The following REPS2 variants were observed in gnomAD, a reference collection of about 807,000 sequenced individuals.
REPS2 encodes the protein RALBP1 associated Eps domain containing 2, also known as ralBP1-associated Eps domain-containing protein 2.
A neutral mutation model predicts 53.6 loss-of-function variants in REPS2; 23 were observed. That is an observed-to-expected ratio of 0.43 (90% CI 0.31 to 0.61). REPS2 has a LOEUF of 0.61. Among genes scored for constraint, REPS2 ranks in the 20% least tolerant of loss-of-function variants. The probability of loss-of-function intolerance (pLI) is 0.11; values close to 1 mark genes in which losing one functional copy is unlikely to be tolerated. For synonymous variants in REPS2, 238 were observed against 218.6 expected, an observed-to-expected ratio of 1.09 and a Z score of -0.78; for missense variants, 446 against 534.9, an observed-to-expected ratio of 0.83 and a Z score of 1.64.
intron 2 of REPS2, among the ~76,000 whole-genome samples, chrX:17,008,287 C>T (rs2061386591): frequency 8.9e-6 from 1 of 112,229 alleles, no homozygotes. Flanking sequence ...ATTTTATCTT[C>T]TGGAAAAGTT....
intron 13 of REPS2, among the ~76,000 whole-genome samples, chrX:17,092,018 C>T (rs1317778521): frequency 9.0e-6 from 1 of 111,241 alleles, no homozygotes; most frequent in Non-Finnish European, 1.9e-5. Context: ...CTTTGGTATT[C>T]GAATGCTTTT....
chrX:17,194,228 C>T, the REPS2 span, among the ~76,000 whole-genome samples: 3 of 111,261 alleles, frequency 2.7e-5, no homozygotes, highest in South Asian at 3.8e-4. Flanking sequence ...AGGATTTTTT[C>T]GGGGGTAAAG....
chrX:17,013,366 A>T (rs1053161564), intron 2 of REPS2, among the ~76,000 whole-genome samples: 3 of 112,118 alleles, frequency 2.7e-5, no homozygotes, highest in Non-Finnish European at 5.6e-5. Context: ...AGGATTTTGC[A>T]GCATTGAGTC....
At chrX:17,010,004 G>A (rs2061409112) in intron 2 of REPS2, among the ~76,000 whole-genome samples, 1 of 110,793 alleles carries the variant, frequency 9.0e-6, no homozygotes, top group Non-Finnish European at 1.9e-5. Context: ...TGCAGTCTTG[G>A]GTTCCTAGGG....
In REPS2 at chrX:17,151,516, G is replaced by A. The variant is rs2063568997; in HGVS notation, c.*4035G>A. On this transcript the variant is annotated 3_prime_UTR_variant, in exon 18 of 18. Coordinates refer to ENST00000357277, the MANE Select transcript of REPS2 (RefSeq NM_004726.3). ...AGTAGTTGGAAACATCTCAATTACA[G>A]TGTAACACCTTAGAGCTAAAAACAT... The A allele has an allele frequency of 8.9e-6, 1 of 112,912 alleles. No homozygotes were observed. Among genetic ancestry groups the A allele is most frequent in the Admixed American group, 9.3e-5 (1 of 10,699 alleles). 9.3% of individuals were successfully genotyped at this position (112,912 alleles called of 1,213,427 possible). A position where few individuals can be genotyped will look rare whatever the true frequency, so the allele number is the denominator to read the frequency against.
chrX:17,118,120 C>A (rs887656771), intron 14 of REPS2, among the ~76,000 whole-genome samples: 1 of 103,540 alleles, frequency 9.7e-6, no homozygotes, highest in Non-Finnish European at 2.0e-5. Context: ...CCACTACGCC[C>A]GGCTAATTTT....
intron 4 of REPS2, among the ~76,000 whole-genome samples, chrX:17,026,046 G>T (rs957988080): frequency 9.0e-6 from 1 of 111,492 alleles, no homozygotes; most frequent in African/African-American, 3.3e-5. Flanking sequence ...ATAAAACTGC[G>T]CGCTAGGCTG....
At chrX:17,011,376 C>A (rs17273629) in intron 2 of REPS2, among the ~76,000 whole-genome samples, 10,523 of 110,571 alleles carry the variant, frequency 0.095, 468 homozygotes, top group East Asian at 0.2. Context: ...AACATTTGCC[C>A]TGGGACCTGC....
At chrX:17,192,525 GAGA>G in the REPS2 span, among the ~76,000 whole-genome samples, 283 of 111,895 alleles carry the variant, frequency 2.5e-3, 1 homozygote, top group African/African-American at 8.7e-3. Flanking sequence ...ATCCACAGAT[GAGA>G]AGGAGGACAG....
intron 1 of REPS2, among the ~76,000 whole-genome samples, chrX:16,983,923 C>T (rs751681873): frequency 8.9e-6 from 1 of 112,826 alleles, no homozygotes; most frequent in South Asian, 3.7e-4. Context: ...CTCCAGAACC[C>T]TCTTCTTTCC....
chrX:16,989,753 G>A (rs964973873), intron 1 of REPS2, among the ~76,000 whole-genome samples: 9 of 112,165 alleles, frequency 8.0e-5, no homozygotes, highest in African/African-American at 2.9e-4. Flanking sequence ...ATACCTATAA[G>A]AATGGCTAAA....
intron 1 of REPS2, among the ~76,000 whole-genome samples, chrX:16,949,918 T>C (rs6654009): frequency 3.0e-4 from 33 of 111,345 alleles, no homozygotes; most frequent in African/African-American, 9.8e-4. Flanking sequence ...TAGGGCTCAC[T>C]CTTGGTGTTG....
intron 13 of REPS2, among the ~76,000 whole-genome samples, chrX:17,091,234 T>C (rs1186143892): frequency 1.8e-5 from 2 of 112,410 alleles, no homozygotes; most frequent in African/African-American, 6.5e-5. Context: ...GCTTATTTAC[T>C]TCATTTGTGG....
In REPS2 at chrX:17,054,949, AG is replaced by A; in HGVS notation, c.1114+1del. 2 of 1,209,450 alleles carry A rather than the reference AG, an allele frequency of 1.7e-6. No individual in the cohort carries two copies. The highest frequency in any genetic ancestry group is 2.2e-6 in the Non-Finnish European group (2 of 894,426). On this transcript the variant is annotated frameshift_variant and splice_region_variant, in exon 8 of 18. Transcript: ENST00000357277. LOFTEE classifies it high-confidence loss of function. ...PTLQPEYLQA[A>X]FPKPKWDCQL... Reference sequence around the variant, plus strand: ...CTCTGCAGCCAGAATACCTGCAGGCAGGTAAGGCCTCACCATCAACTGTAAA... The same window carrying A: ...CTCTGCAGCCAGAATACCTGCAGGCAGTAAGGCCTCACCATCAACTGTAAA...
intron 1 of REPS2, among the ~76,000 whole-genome samples, chrX:16,986,794 A>G (rs1281948182): frequency 9.0e-6 from 1 of 111,279 alleles, no homozygotes; most frequent in Non-Finnish European, 1.9e-5. Flanking sequence ...GAAAAGTCCC[A>G]CATCCCAGGA....
chrX:17,092,161 C>T (rs2062625033), intron 13 of REPS2, among the ~76,000 whole-genome samples: 1 of 112,147 alleles, frequency 8.9e-6, no homozygotes, highest in Admixed American at 9.5e-5. Flanking sequence ...ACATCTGCTG[C>T]TTTATTTCCA....
intron 13 of REPS2, among the ~76,000 whole-genome samples, chrX:17,096,816 C>T (rs2062711252): frequency 9.0e-6 from 1 of 110,885 alleles, no homozygotes; most frequent in Non-Finnish European, 1.9e-5. Flanking sequence ...TTTTGTTAGA[C>T]ATTAAGAACG....
chrX:17,046,920 C>T (rs2061916100), intron 5 of REPS2, among the ~76,000 whole-genome samples: 1 of 112,100 alleles, frequency 8.9e-6, no homozygotes, highest in Non-Finnish European at 1.9e-5. Flanking sequence ...AGTGTAACGG[C>T]AACAGTAAAA....
Position 17,077,290 on chromosome X carries a change from A to G in REPS2, c.1399A>G (p.Ile467Val), listed in dbSNP as rs1483364958. ...PRSRSYSSTSIEEAMKRGEDP... is the reference protein window; with the variant it reads ...PRSRSYSSTSVEEAMKRGEDP... Reference sequence around the variant, plus strand: ...CTACAGATCTTACTCTAGCACCTCCATAGAAGAGGCCATGAAAAGGGGCGA... The same window carrying G: ...CTACAGATCTTACTCTAGCACCTCCGTAGAAGAGGCCATGAAAAGGGGCGA... Residue 467 changes from isoleucine (I) to valine (V), a missense_variant, in exon 13 of 18, where the codon ATA becomes GTA. By Grantham distance (29) the Ile-to-Val change is conservative. Transcript: ENST00000357277. 1.7e-6 allele frequency: 2 copies of G among 1,205,088 alleles called. No homozygotes were observed. Among genetic ancestry groups the G allele is most frequent in the Non-Finnish European group, 2.2e-6 (2 of 892,820 alleles).
Sources: gnomAD v4.1 joint callset for allele counts (sites outside exome capture counted in the v4.1 genomes callset) on GRCh38, gnomAD v4.1.1 for gene constraint, MANE v1.5 for transcripts, NCBI Gene and HGNC (gene_info 2026-07-23, HGNC 2026-07-21) for gene names.